Variants in HNRNPUL2 observed in about 807,000 individuals in gnomAD.
The protein encoded by HNRNPUL2 is heterogeneous nuclear ribonucleoprotein U like 2, also known as heterogeneous nuclear ribonucleoprotein U-like protein 2.
HNRNPUL2 carries 27 observed loss-of-function variants against 102.2 expected under a neutral mutation model. That is an observed-to-expected ratio of 0.26 (90% CI 0.19 to 0.36). HNRNPUL2 has a LOEUF of 0.36. HNRNPUL2 is among the 10% of genes least tolerant of loss of function. The pLI, the probability that HNRNPUL2 is intolerant of heterozygous loss-of-function variation, is 1.00. For synonymous variants in HNRNPUL2, 458 were observed against 387.2 expected, an observed-to-expected ratio of 1.18 and a Z score of -2.15; for missense variants, 936 against 981.1, an observed-to-expected ratio of 0.95 and a Z score of 0.61.
intron 1 of HNRNPUL2, among the ~76,000 whole-genome samples, chr11:62,725,288 CCCGGGTT>C (rs1565164013): frequency 6.6e-6 from 1 of 152,214 alleles, no homozygotes; most frequent in African/African-American, 2.4e-5. Context: ...ACCTCCGCCT[CCCGGGTT>C]CAAGCCATTC....
chr11:62,723,842 A>G, intron 3 of HNRNPUL2, 72 bp downstream of exon 3: 1 of 1,599,102 alleles, frequency 6.3e-7, no homozygotes, highest in South Asian at 1.1e-5. Context: ...TTTATAGGCT[A>G]TGAAGTTTTA....
chr11:62,720,017 A>C lies in HNRNPUL2; in HGVS notation c.1780+6T>G. The C allele has an allele frequency of 6.2e-7, 1 of 1,613,418 alleles. No homozygotes were observed. Among genetic ancestry groups the C allele is most frequent in the South Asian group, 1.1e-5 (1 of 91,062 alleles). On this transcript the variant is annotated splice_donor_region_variant and intron_variant, in intron 10 of 13. Coordinates refer to ENST00000301785, the MANE Select transcript of HNRNPUL2 (RefSeq NM_001079559.3). ...ATAGCAGCAGAAAATGGACTAAGAC[A>C]CCCACCTTTCATCTCCAGCATTATA... is the stretch of plus-strand genomic sequence containing the variant.
Position 62,715,584 on chromosome 11 carries a change from T to A in HNRNPUL2, c.2079A>T (p.Arg693=). The A allele has an allele frequency of 5.6e-6, 9 of 1,613,124 alleles. No individual in the cohort carries two copies. The highest frequency in any genetic ancestry group is 7.6e-6 in the Non-Finnish European group (9 of 1,179,262). The change falls in exon 13 of 14, where the codon CGA becomes CGT. Residue 693 remains arginine, a synonymous_variant. Coordinates refer to ENST00000301785, the MANE Select transcript of HNRNPUL2 (RefSeq NM_001079559.3). ...NRGGYRNFYD[R]YRGDYDRFYG... ...AAAATCGATCATAGTCTCCCCTGTA[T>A]CGATCATAGAAATTACGGTAACCCT...
Position 62,722,176 on chromosome 11 carries a change from C to T in HNRNPUL2, c.1300G>A (p.Val434Met). ...PPEEFVFIHA[V>M]PVEERVRTAV... is the part of the protein sequence containing the mutation. ...GTGCGTACACGCTCCTCAACAGGCACAGCATGAATGAACACAAACTCTTCT... is the reference window on the plus strand; with the variant it reads ...GTGCGTACACGCTCCTCAACAGGCATAGCATGAATGAACACAAACTCTTCT... The change falls in exon 7 of 14, where the codon GTG becomes ATG. Residue 434 changes from valine (V) to methionine (M), a missense_variant. By Grantham distance (21) the Val-to-Met change is conservative. Transcript: ENST00000301785. 1 of 1,614,164 alleles carries T rather than the reference C, an allele frequency of 6.2e-7. No individual in the cohort carries two copies. The highest frequency in any genetic ancestry group is 2.2e-5 in the East Asian group (1 of 44,876).
In HNRNPUL2 at chr11:62,727,130, G is replaced by A. The variant is rs763467131; in HGVS notation, c.27C>T (p.Thr9=). Residue 9 remains threonine (T), a synonymous_variant, in exon 1 of 14, where the codon ACC becomes ACT. Coordinates refer to ENST00000301785, the MANE Select transcript of HNRNPUL2 (RefSeq NM_001079559.3). ...GCCGCTGCAGCTCCGACCGCAGCTC[G>A]GTCACTTTCAGCCGCTTCACCTCCA... MEVKRLKV[T]ELRSELQRRG... The A allele has an allele frequency of 1.1e-4, 157 of 1,449,518 alleles. 1 individual carries two copies. Among genetic ancestry groups the A allele is most frequent in the Middle Eastern group, 6.2e-4 (3 of 4,846 alleles). The allele number at this position is 1,449,518 out of a possible 1,614,324, so 89.8% of individuals were successfully genotyped here.
intron 9 of HNRNPUL2, among the ~76,000 whole-genome samples, chr11:62,720,491 C>G (rs574166819): frequency 2.7e-5 from 4 of 146,140 alleles, no homozygotes; most frequent in South Asian, 4.4e-4. Context: ...TTGCAGTGGG[C>G]TGAGATCACG....
intron 6 of HNRNPUL2, 108 bp downstream of exon 6, chr11:62,722,493 C>G: frequency 7.0e-7 from 1 of 1,422,474 alleles, no homozygotes; most frequent in Non-Finnish European, 9.9e-7. Flanking sequence ...CTAAGCGAGC[C>G]ACACACATCA....
At chr11:62,715,996 TG>T in intron 11 of HNRNPUL2, 59 bp from the exon 12 acceptor site, 1 of 1,373,950 alleles carries the variant, frequency 7.3e-7, no homozygotes, top group Non-Finnish European at 9.9e-7. Context: ...GCTCCACATC[TG>T]GGTGGAAATC....
intron 12 of HNRNPUL2, 29 bp from the exon 13 acceptor site, chr11:62,715,636 G>A (rs1372288558): frequency 3.2e-6 from 5 of 1,547,446 alleles, no homozygotes; most frequent in Non-Finnish European, 3.6e-6. Flanking sequence ...AAGGAGTGAA[G>A]GTTTATGGGT....
intron 5 of HNRNPUL2, 36 bp downstream of exon 5, chr11:62,722,777 T>C (rs1469529279): frequency 6.2e-7 from 1 of 1,606,944 alleles, no homozygotes; most frequent in South Asian, 1.1e-5. Context: ...AATATGGTAG[T>C]AAACACTAAT....
chr11:62,723,770 T>A, intron 3 of HNRNPUL2, 44 bp from the exon 4 acceptor site: 1 of 1,612,742 alleles, frequency 6.2e-7, no homozygotes, highest in Non-Finnish European at 8.5e-7. Context: ...GTCCAATACT[T>A]GTAAGCCGCC....
intron 10 of HNRNPUL2, 143 bp downstream of exon 10, chr11:62,719,880 G>A: frequency 1.4e-6 from 1 of 738,654 alleles, no homozygotes; most frequent in Non-Finnish European, 2.2e-6. Context: ...GAATGATGCA[G>A]CAAGAAGGAC....
chr11:62,723,579 T>C lies in HNRNPUL2; in HGVS notation c.891+8A>G, dbSNP rs1242562989. ...TGAATGAATGAATGAATGGTCTTAATGAGCTACCTTTGCCTCAAAGCAGAC... is the reference window on the plus strand; with the variant it reads ...TGAATGAATGAATGAATGGTCTTAACGAGCTACCTTTGCCTCAAAGCAGAC... On this transcript the variant is annotated splice_region_variant and intron_variant, in intron 4 of 13. Transcript: ENST00000301785. The C allele has an allele frequency of 6.3e-7, 1 of 1,593,620 alleles. No individual in the cohort carries two copies. Among genetic ancestry groups the C allele is most frequent in the Non-Finnish European group, 8.6e-7 (1 of 1,169,106 alleles).
chr11:62,719,158 G>A (rs766335798), intron 10 of HNRNPUL2, among the ~76,000 whole-genome samples: 1 of 152,066 alleles, frequency 6.6e-6, no homozygotes, highest in Non-Finnish European at 1.5e-5. Flanking sequence ...TTTTCAAAAC[G>A]AGCCAAGGCG....
chr11:62,719,325 C>T (rs1565160863), intron 10 of HNRNPUL2, among the ~76,000 whole-genome samples: 1 of 152,126 alleles, frequency 6.6e-6, no homozygotes. Context: ...GTGGCACATG[C>T]TTGTAATCTC....
At chr11:62,725,042 C>T (rs925794543) in intron 1 of HNRNPUL2, among the ~76,000 whole-genome samples, 11 of 152,194 alleles carry the variant, frequency 7.2e-5, no homozygotes, top group African/African-American at 2.6e-4. Flanking sequence ...TAAATAATAC[C>T]GCATCTAGAC....
chr11:62,715,205 G>T lies in HNRNPUL2; in HGVS notation c.*94C>A. 1.3e-5 allele frequency: 2 copies of T among 157,912 alleles called. No individual in the cohort carries two copies. The highest frequency in any genetic ancestry group is 8.4e-5 in the South Asian group (1 of 11,960). 9.8% of individuals were successfully genotyped at this position (157,912 alleles called of 1,614,324 possible). On this transcript the variant is annotated 3_prime_UTR_variant, in exon 14 of 14. Coordinates refer to ENST00000301785, the MANE Select transcript of HNRNPUL2 (RefSeq NM_001079559.3). Reference sequence around the variant, plus strand: ...CTCCCCGGCAGCTCAGCCCCACCCCGACAGCCCCTGTTTTCCTTGGTTGTG... The same window carrying T: ...CTCCCCGGCAGCTCAGCCCCACCCCTACAGCCCCTGTTTTCCTTGGTTGTG...
chr11:62,726,041 T>C (rs1485814327), intron 1 of HNRNPUL2, among the ~76,000 whole-genome samples: 1 of 152,202 alleles, frequency 6.6e-6, no homozygotes, highest in African/African-American at 2.4e-5. Context: ...TTAAGATTTT[T>C]CTCTTCACTG....
chr11:62,720,390 C>G (rs2083692250), intron 9 of HNRNPUL2, among the ~76,000 whole-genome samples, 199 bp from the exon 10 acceptor site: 1 of 151,862 alleles, frequency 6.6e-6, no homozygotes, highest in Non-Finnish European at 1.5e-5. Context: ...TACTAAAATA[C>G]AAAAATTAAC....
Sources: allele counts gnomAD v4.1 joint callset (sites outside exome capture counted in the v4.1 genomes callset), GRCh38; gene constraint gnomAD v4.1.1; transcripts MANE v1.5; gene names NCBI Gene and HGNC (gene_info 2026-07-23, HGNC 2026-07-21).